The following ZW10 variants were observed in gnomAD, a reference collection of about 807,000 sequenced individuals.
ZW10 encodes the protein zw10 kinetochore protein.
In ZW10, 53 loss-of-function variants were observed where a neutral mutation model predicts 87.8. The ratio of observed to expected loss-of-function variants is 0.60; its 90% CI spans 0.48 to 0.76. The LOEUF (loss-of-function observed/expected upper bound fraction) is 0.76, where lower values mean the gene tolerates loss of function less well. Ranked by LOEUF, ZW10 falls within the 30% of genes least tolerant of loss-of-function variation. The pLI is 0.00. For missense variants in ZW10, 837 were observed against 923.0 expected, an observed-to-expected ratio of 0.91 and a Z score of 1.21; for synonymous variants, 312 against 329.2, an observed-to-expected ratio of 0.95 and a Z score of 0.57.
chr11:113,750,136 T>C (rs958826578), intron 7 of ZW10, among the ~76,000 whole-genome samples: 1 of 152,150 alleles, frequency 6.6e-6, no homozygotes. Context: ...AAGCATACTA[T>C]TGATACAGTC....
At position 113,743,905 on chromosome 11, in the gene ZW10, G is replaced by A. The variant is rs747502291; in HGVS notation, c.1408C>T (p.His470Tyr). 2 of 1,614,140 alleles carry A rather than the reference G, an allele frequency of 1.2e-6. No individual in the cohort carries two copies. Among genetic ancestry groups the A allele is most frequent in the East Asian group, 2.2e-5 (1 of 44,872 alleles). ...CGGCATGTGGGCAAGGAAAAGGAAT[G>A]TTGGTCCAATGTATTTTCAGGCTCT... Reference protein sequence around the residue: ...NLEPENTLDQHSFSLPTCRIS... With the variant: ...NLEPENTLDQYSFSLPTCRIS... Residue 470 changes from histidine (H) to tyrosine (Y), a missense_variant, in exon 10 of 16, where the codon CAT becomes TAT. By Grantham distance (83) the His-to-Tyr change is moderately conservative. Coordinates refer to ENST00000200135, the MANE Select transcript of ZW10 (RefSeq NM_004724.4).
intron 7 of ZW10, among the ~76,000 whole-genome samples, chr11:113,752,262 A>ATGTGTG (rs145208653): frequency 8.5e-4 from 127 of 149,150 alleles, no homozygotes; most frequent in South Asian, 7.0e-3. Flanking sequence ...CATGAACAAG[A>ATGTGTG]TGTGTGTGTG....
In ZW10 at chr11:113,739,384, T is replaced by C; in HGVS notation, c.1584-2A>G. On this transcript the variant is annotated splice_acceptor_variant, in intron 11 of 15. Transcript: ENST00000200135. LOFTEE classifies it high-confidence loss of function. ...TGGGGAAGTTTTTGAAGGTTCTCCC[T>C]AGGCCAGAAGGAGGGGTAGAAAAAC... is the stretch of plus-strand genomic sequence containing the variant. 6.3e-7 allele frequency: 1 copy of C among 1,590,982 alleles called. No individual in the cohort carries two copies. Among genetic ancestry groups the C allele is most frequent in the South Asian group, 1.1e-5 (1 of 87,004 alleles).
intron 7 of ZW10, among the ~76,000 whole-genome samples, chr11:113,750,099 T>C (rs1156805923): frequency 6.6e-6 from 1 of 152,134 alleles, no homozygotes; most frequent in East Asian, 1.9e-4. Flanking sequence ...ATTAAGAAAA[T>C]ATGTACAAAT....
chr11:113,759,187 C>T (rs1953831652), intron 5 of ZW10, among the ~76,000 whole-genome samples: 1 of 152,018 alleles, frequency 6.6e-6, no homozygotes, highest in African/African-American at 2.4e-5. Context: ...CAGAGCGAGA[C>T]CCTGTTTCAA....
rs1043963710 is a variant in ZW10, at chr11:113,743,880, C to T, written c.1433G>A (p.Arg478His). 3.7e-6 allele frequency: 6 copies of T among 1,614,018 alleles called. No homozygotes were observed. The highest frequency in any genetic ancestry group is 2.7e-5 in the African/African-American group (2 of 74,916). Residue 478 changes from arginine to histidine, a missense_variant, in exon 10 of 16, where the codon CGT (arginine) becomes CAT (histidine). Arg to His is a conservative substitution (Grantham distance 29, BLOSUM62 0). Transcript: ENST00000200135. ...TAATTTCTTCACAGACTCACTGATACGGCATGTGGGCAAGGAAAAGGAATG... is the reference window on the plus strand; with the variant it reads ...TAATTTCTTCACAGACTCACTGATATGGCATGTGGGCAAGGAAAAGGAATG... Reference protein sequence around the residue: ...DQHSFSLPTCRISESVKKLME... With the variant: ...DQHSFSLPTCHISESVKKLME...
intron 11 of ZW10, among the ~76,000 whole-genome samples, chr11:113,739,684 T>C (rs568701054): frequency 1.2e-4 from 19 of 152,308 alleles, no homozygotes; most frequent in African/African-American, 3.6e-4. Flanking sequence ...TGCATAATAA[T>C]GTCCTTGAAA....
chr11:113,741,589 T>C (rs1435514816), intron 11 of ZW10, 105 bp downstream of exon 11: 3 of 685,076 alleles, frequency 4.4e-6, no homozygotes, highest in Non-Finnish European at 6.9e-6. Context: ...TGAATGTTAG[T>C]AAACAAAATA....
rs749272717 is a variant in ZW10, at chr11:113,758,525, T to C, written c.733+29A>G. The C allele has an allele frequency of 3.7e-6, 6 of 1,608,068 alleles. No homozygotes were observed. In the South Asian group the frequency reaches 5.6e-5, roughly 15 times the overall value. ...TAATACTGGGCCTCAGGAGATTTTG[T>C]GTAAATGAAACAAAGTAGCATGCCT... On this transcript the variant is annotated intron_variant, in intron 6 of 15. Transcript: ENST00000200135.
At chr11:113,748,512 G>C (rs1953704241) in intron 7 of ZW10, 92 bp from the exon 8 acceptor site, 2 of 1,127,382 alleles carry the variant, frequency 1.8e-6, no homozygotes, top group South Asian at 1.7e-5. Context: ...ATTTTAAGAT[G>C]ATGGGGAAGA....
intron 15 of ZW10, 56 bp from the exon 16 acceptor site, chr11:113,733,870 G>A (rs540501275): frequency 2.0e-6 from 3 of 1,518,008 alleles, no homozygotes; most frequent in Non-Finnish European, 2.6e-6. Context: ...GTATAAGCAA[G>A]ACTTAAAAAT....
In ZW10 at chr11:113,748,385, T is replaced by A; in HGVS notation, c.961A>T (p.Thr321Ser). 1.9e-6 allele frequency: 3 copies of A among 1,608,290 alleles called. No homozygotes were observed. Among genetic ancestry groups the A allele is most frequent in the Non-Finnish European group, 2.5e-6 (3 of 1,178,270 alleles). The change falls in exon 8 of 16, where the codon ACA (threonine) becomes TCA (serine). Residue 321 changes from threonine to serine, a missense_variant. Coordinates refer to ENST00000200135, the MANE Select transcript of ZW10 (RefSeq NM_004724.4). The stretch of plus-strand genomic sequence containing the variant: ...ATCTCAGCCAATGGGACAGTAGATG[T>A]TTTTTCATTTTCCAGGTCAGTGTCA... ...PLDTDLENEK[T>S]STVPLAEMLG...
intron 11 of ZW10, among the ~76,000 whole-genome samples, chr11:113,739,931 C>A (rs1953597308): frequency 6.6e-6 from 1 of 152,122 alleles, no homozygotes; most frequent in South Asian, 2.1e-4. Flanking sequence ...AAAATCTTCC[C>A]AGGTGATTTT....
Position 113,736,810 on chromosome 11 carries a change from C to A in ZW10, c.2029G>T (p.Glu677Ter). 6.2e-7 allele frequency: 1 copy of A among 1,614,104 alleles called. No individual in the cohort carries two copies. The highest frequency in any genetic ancestry group is 1.1e-5 in the South Asian group (1 of 91,070). Residue 677 changes from glutamate (E) to a stop codon, truncating the protein, a stop_gained, in exon 15 of 16, where the codon GAA becomes TAA. Transcript: ENST00000200135. LOFTEE classifies it high-confidence loss of function. ...AAGGAATATAACCTATCACCATCTT[C>A]AGTAGATATGTCCTGGTTTTGCACA... is the stretch of plus-strand genomic sequence containing the variant. ...KITALEDIST[E>*]DGDRLYSLCK...
At position 113,737,723 on chromosome 11, in the gene ZW10, T is replaced by C. The variant is rs1488428171; in HGVS notation, c.1885-20A>G. 3.8e-6 allele frequency: 6 copies of C among 1,573,686 alleles called. No homozygotes were observed. In the African/African-American group the frequency reaches 5.4e-5, roughly 14 times the overall value. ...CAGTACCTGTAGAAGAATACAGCTA[T>C]TTACGTGGAAGAAAGATTACTGTGA... On this transcript the variant is annotated intron_variant, in intron 13 of 15. Coordinates refer to ENST00000200135, the MANE Select transcript of ZW10 (RefSeq NM_004724.4).
At chr11:113,773,527 C>A (rs1937666888) in intron 1 of ZW10, 35 bp downstream of exon 1, 1 of 1,582,938 alleles carries the variant, frequency 6.3e-7, no homozygotes, top group African/African-American at 1.3e-5. Flanking sequence ...ACCCGGAGTC[C>A]CCTTCCAGTC....
At chr11:113,749,862 T>C (rs979146826) in intron 7 of ZW10, among the ~76,000 whole-genome samples, 6 of 152,260 alleles carry the variant, frequency 3.9e-5, no homozygotes, top group Admixed American at 3.3e-4. Context: ...GTATTTCATA[T>C]AATACATTGC....
chr11:113,760,691 T>TAAAAAAAAAAAA, intron 3 of ZW10, 101 bp from the exon 4 acceptor site: 1 of 747,968 alleles, frequency 1.3e-6, no homozygotes, highest in South Asian at 2.3e-5. Context: ...CTCCCCCCTC[T>TAAAAAAAAAAAA]AAAAAAAAAA....
chr11:113,770,829 A>G (rs1953956879), intron 1 of ZW10, among the ~76,000 whole-genome samples: 1 of 136,066 alleles, frequency 7.3e-6, no homozygotes, highest in Non-Finnish European at 1.6e-5. Flanking sequence ...CTCAAAAAAG[A>G]AAAAAAAAAA....
Sources: allele counts gnomAD v4.1 joint callset (sites outside exome capture counted in the v4.1 genomes callset), GRCh38; gene constraint gnomAD v4.1.1; transcripts MANE v1.5; gene names NCBI Gene and HGNC (gene_info 2026-07-23, HGNC 2026-07-21).